The following STK32A variants were observed in gnomAD, a reference collection of about 807,000 sequenced individuals.
The protein encoded by STK32A is serine/threonine-protein kinase 32A.
A neutral mutation model predicts 53.2 loss-of-function variants in STK32A; 41 were observed. The ratio of observed to expected loss-of-function variants is 0.77; its 90% confidence interval spans 0.60 to 1.00. The LOEUF (loss-of-function observed/expected upper bound fraction) is 1.00. Ranked by LOEUF, STK32A falls within the 50% of genes least tolerant of loss-of-function variation. STK32A has a pLI of 0.00. For missense variants in STK32A, 458 were observed against 485.8 expected (o/e 0.94, Z 0.54); for synonymous variants, 166 against 162.8 (o/e 1.02, Z -0.15).
chr5:147,308,927 AT>A (rs1333274665), intron 4 of STK32A, among the ~76,000 whole-genome samples: 2 of 150,426 alleles, frequency 1.3e-5, no homozygotes, highest in East Asian at 1.9e-4. Context: ...TGTTTTTTAT[AT>A]TTTTTATATT....
chr5:147,258,389 G>T (rs906595007), intron 2 of STK32A, among the ~76,000 whole-genome samples: 2 of 151,758 alleles, frequency 1.3e-5, no homozygotes, highest in Admixed American at 1.3e-4. Context: ...CATTCTTATG[G>T]CTCCTTATAA....
intron 7 of STK32A, among the ~76,000 whole-genome samples, chr5:147,353,785 A>G (rs1756096339): frequency 1.3e-5 from 2 of 152,016 alleles, no homozygotes; most frequent in African/African-American, 4.8e-5. Context: ...AACAACAACA[A>G]CAAAAAACCT....
chr5:147,290,794 T>G (rs1363011474), intron 4 of STK32A, among the ~76,000 whole-genome samples: 1 of 152,078 alleles, frequency 6.6e-6, no homozygotes, highest in African/African-American at 2.4e-5. Context: ...TATGATTAAG[T>G]ATCGAGTTTG....
chr5:147,301,563 A>G (rs1263443845), intron 4 of STK32A, among the ~76,000 whole-genome samples: 2 of 152,152 alleles, frequency 1.3e-5, no homozygotes, highest in Admixed American at 6.5e-5. Context: ...TATAAATTTA[A>G]ATCTAATTTT....
At chr5:147,400,659 T>A in the STK32A span, 1 of 1,607,280 alleles carries the variant, frequency 6.2e-7, no homozygotes, top group Non-Finnish European at 8.5e-7. Flanking sequence ...ATGTTTTGGC[T>A]CTGGCCACCC....
At chr5:147,330,078 G>A (rs1177817238) in intron 5 of STK32A, among the ~76,000 whole-genome samples, 3 of 152,212 alleles carry the variant, frequency 2.0e-5, no homozygotes, top group East Asian at 3.9e-4. Flanking sequence ...TGACCAGAAA[G>A]AACATACCTT....
intron 2 of STK32A, among the ~76,000 whole-genome samples, chr5:147,254,760 C>G (rs191172030): frequency 1.1e-3 from 165 of 152,224 alleles, no homozygotes; most frequent in African/African-American, 3.8e-3. Context: ...AGCAGGTAAT[C>G]GGACTGAGTT....
At chr5:147,259,891 TTCTCTCTCCTCTC>T (rs900543173) in intron 2 of STK32A, among the ~76,000 whole-genome samples, 1 of 104,892 alleles carries the variant, frequency 9.5e-6, no homozygotes, top group African/African-American at 4.7e-5. Flanking sequence ...GTCTCTCTCT[TTCTCTCTCCTCTC>T]TCTCTCTCCC....
chr5:147,343,135 T>C (rs959071739), intron 6 of STK32A, 92 bp downstream of exon 6: 1 of 1,352,646 alleles, frequency 7.4e-7, no homozygotes, highest in Non-Finnish European at 1.1e-6. Context: ...ATGAAAAAGG[T>C]ATTTTGTTCT....
At chr5:147,279,103 A>T in intron 3 of STK32A, 144 bp from the exon 4 acceptor site, 1 of 573,246 alleles carries the variant, frequency 1.7e-6, no homozygotes, top group Non-Finnish European at 2.7e-6. Flanking sequence ...ATCTAAAATC[A>T]GAGCTAAGTG....
intron 4 of STK32A, among the ~76,000 whole-genome samples, chr5:147,303,730 G>A (rs962460760): frequency 6.6e-6 from 1 of 152,232 alleles, no homozygotes; most frequent in African/African-American, 2.4e-5. Flanking sequence ...GCCACATGAT[G>A]TTATTGAGTC....
the STK32A span, chr5:147,401,485 T>C: frequency 6.5e-7 from 1 of 1,540,552 alleles, no homozygotes; most frequent in Non-Finnish European, 8.8e-7. Flanking sequence ...AACCCCCAGC[T>C]GGACTCAAGA....
chr5:147,237,369 G>A (rs1753368791), intron 1 of STK32A, among the ~76,000 whole-genome samples: 1 of 152,034 alleles, frequency 6.6e-6, no homozygotes, highest in Admixed American at 6.5e-5. Context: ...AGTGCCATCA[G>A]TGGTTCAGTC....
At chr5:147,249,866 T>TCACG (rs1212940887) in intron 2 of STK32A, among the ~76,000 whole-genome samples, 1 of 126,556 alleles carries the variant, frequency 7.9e-6, no homozygotes. Context: ...TGAGCCGAGA[T>TCACG]CTACTGCACT....
intron 8 of STK32A, among the ~76,000 whole-genome samples, chr5:147,367,004 GGTT>G (rs1411028273): frequency 2.0e-5 from 3 of 151,488 alleles, no homozygotes; most frequent in Non-Finnish European, 2.9e-5. Context: ...TATATTATTA[GGTT>G]GTTAATTCAT....
chr5:147,261,701 A>G (rs1754581224), intron 2 of STK32A, among the ~76,000 whole-genome samples: 1 of 152,186 alleles, frequency 6.6e-6, no homozygotes, highest in Non-Finnish European at 1.5e-5. Flanking sequence ...TTAGGGTTTT[A>G]TGTTAGGAGT....
chr5:147,384,038 A>G lies in STK32A; in HGVS notation c.*55A>G. On this transcript the variant is annotated 3_prime_UTR_variant, in exon 13 of 13. Transcript: ENST00000397936. ...TCATGCCAGAAACTTCTAATTACATATGTCAAGAAAAGCTGACAGTAGTTC... is the reference window on the plus strand; with the variant it reads ...TCATGCCAGAAACTTCTAATTACATGTGTCAAGAAAAGCTGACAGTAGTTC... The G allele has an allele frequency of 1.9e-6, 3 of 1,559,496 alleles. No homozygotes were observed. Among genetic ancestry groups the G allele is most frequent in the South Asian group, 1.2e-5 (1 of 80,710 alleles).
chr5:147,393,762 A>G, the STK32A span: 1 of 451,484 alleles, frequency 2.2e-6, no homozygotes, highest in Non-Finnish European at 4.1e-6. Context: ...ATGATAGAGC[A>G]GACTCTTTTA....
rs1328538509 is a variant in STK32A at position 147,384,562 on chromosome 5, T to G, written c.*579T>G. The G allele has an allele frequency of 3.5e-5, 25 of 711,714 alleles. No individual in the cohort carries two copies. The Admixed American group carries it at 6.4e-4, about 18-fold the overall frequency. 44.1% of individuals were successfully genotyped at this position (711,714 alleles called of 1,614,324 possible). Reference sequence around the variant, plus strand: ...TTCCAGTGATATGCGTGAATCAGCATTAGATCCGCTTATCTCAGCTGGCAG... The same window carrying G: ...TTCCAGTGATATGCGTGAATCAGCAGTAGATCCGCTTATCTCAGCTGGCAG... On this transcript the variant is annotated 3_prime_UTR_variant, in exon 13 of 13. Transcript: ENST00000397936.
Sources: allele counts gnomAD v4.1 joint callset (sites outside exome capture counted in the v4.1 genomes callset), GRCh38; gene constraint gnomAD v4.1.1; transcripts MANE v1.5; gene names NCBI Gene and HGNC (gene_info 2026-07-23, HGNC 2026-07-21).